The following PEBP1 variants were observed in gnomAD, a reference collection of about 807,000 sequenced individuals.
The protein encoded by PEBP1 is phosphatidylethanolamine-binding protein 1.
A neutral mutation model predicts 22.7 loss-of-function variants in PEBP1; 17 were observed. The observed-to-expected ratio is 0.75, with a 90% CI of 0.51 to 1.12. The LOEUF (loss-of-function observed/expected upper bound fraction) is 1.12, where lower values mean the gene tolerates loss of function less well. Among genes scored for constraint, PEBP1 ranks in the 50% most tolerant of loss-of-function variants. The pLI, the probability that PEBP1 is intolerant of heterozygous loss-of-function variation, is 0.00. For missense variants in PEBP1, 205 were observed against 243.5 expected, an observed-to-expected ratio of 0.84 and a Z score of 1.05; for synonymous variants, 106 against 104.3, an observed-to-expected ratio of 1.02 and a Z score of -0.10.
rs1403116335 is a variant in PEBP1, at chr12:118,136,333, A to G, written c.124A>G (p.Thr42Ala). 6.5e-7 allele frequency: 1 copy of G among 1,542,230 alleles called. No homozygotes were observed. Among genetic ancestry groups the G allele is most frequent in the East Asian group, 2.5e-5 (1 of 40,748 alleles). The change falls in exon 1 of 4, where the codon ACG (threonine) becomes GCG (alanine). Residue 42 changes from threonine (T) to alanine (A), a missense_variant. Thr to Ala is a moderately conservative substitution (Grantham distance 58). Coordinates refer to ENST00000261313, the MANE Select transcript of PEBP1 (RefSeq NM_002567.4). This position sits in a 1 kb window ranked among gnomAD's most constrained non-coding sequence, Gnocchi z 5.6. ...GGTGGACGAGCTGGGCAAAGTGCTGACGCCCACCCAGGTACACCGGGCGGC... is the reference window on the plus strand; with the variant it reads ...GGTGGACGAGCTGGGCAAAGTGCTGGCGCCCACCCAGGTACACCGGGCGGC... ...AAVDELGKVL[T>A]PTQVKNRPTS...
rs746114808 is a variant in PEBP1, at chr12:118,138,092, C to G, written c.189C>G (p.Leu63=). The change falls in exon 2 of 4, where the codon CTC becomes CTG. Residue 63 remains leucine, a synonymous_variant. Transcript: ENST00000261313. ...ISWDGLDSGK[L]YTLVLTDPDA... Reference sequence around the variant, plus strand: ...GGGATGGTCTTGATTCAGGGAAGCTCTACACCTTGGTCCTGACAGACCCGG... The same window carrying G: ...GGGATGGTCTTGATTCAGGGAAGCTGTACACCTTGGTCCTGACAGACCCGG... 16 of 1,614,026 alleles carry G rather than the reference C, an allele frequency of 9.9e-6. No homozygotes were observed. In the South Asian group the frequency reaches 1.4e-4, roughly 14 times the overall value.
Position 118,136,244 on chromosome 12 carries a change from T to C in PEBP1, c.35T>C (p.Leu12Ser), listed in dbSNP as rs1293397653. The part of the protein sequence containing the change: ...PVDLSKWSGP[L>S]SLQEVDEQPQ... Reference sequence around the variant, plus strand: ...GACCTCAGCAAGTGGTCCGGGCCCTTGAGCCTGCAAGAAGTGGACGAGCAG... The same window carrying C: ...GACCTCAGCAAGTGGTCCGGGCCCTCGAGCCTGCAAGAAGTGGACGAGCAG... Residue 12 changes from leucine to serine, a missense_variant, in exon 1 of 4, where the codon TTG becomes TCG. By Grantham distance (145) the Leu-to-Ser change is moderately radical. Transcript: ENST00000261313. This position sits in a 1 kb window ranked among gnomAD's most constrained non-coding sequence, Gnocchi z 5.6. The C allele has an allele frequency of 6.5e-7, 1 of 1,545,948 alleles. No homozygotes were observed. The highest frequency in any genetic ancestry group is 1.2e-5 in the South Asian group (1 of 83,950).
chr12:118,136,877 A>G lies in PEBP1; in HGVS notation c.135+533A>G, dbSNP rs1463742614. Among the ~76,000 whole-genome samples, 1 of 152,168 alleles carries G rather than the reference A, an allele frequency of 6.6e-6. No individual in the cohort carries two copies. The highest frequency in any genetic ancestry group is 2.1e-4 in the South Asian group (1 of 4,828). ...CGTCCAGCCGGTACGCTGGAGGGCA[A>G]CGGTTTAGTTTTGGTCTTTGACCTC... On this transcript the variant is annotated intron_variant, in intron 1 of 3. Coordinates refer to ENST00000261313, the MANE Select transcript of PEBP1 (RefSeq NM_002567.4). The surrounding 1 kb of genome is among the most constrained non-coding windows in gnomAD (Gnocchi z 5.6).
Position 118,138,088 on chromosome 12 carries a change from A to G in PEBP1, c.185A>G (p.Lys62Arg), listed in dbSNP as rs779234877. Reference protein sequence around the residue: ...SISWDGLDSGKLYTLVLTDPD... With the variant: ...SISWDGLDSGRLYTLVLTDPD... The stretch of plus-strand genomic sequence containing the variant: ...TCGTGGGATGGTCTTGATTCAGGGA[A>G]GCTCTACACCTTGGTCCTGACAGAC... The change falls in exon 2 of 4, where the codon AAG becomes AGG. Residue 62 changes from lysine (K) to arginine (R), a missense_variant. Transcript: ENST00000261313. 1.9e-6 allele frequency: 3 copies of G among 1,613,960 alleles called. No homozygotes were observed. The highest frequency in any genetic ancestry group is 1.3e-5 in the African/African-American group (1 of 75,038).
chr12:118,137,666 CAAAG>C (rs1271714117), intron 1 of PEBP1, among the ~76,000 whole-genome samples: 1 of 152,086 alleles, frequency 6.6e-6, no homozygotes, highest in African/African-American at 2.4e-5. Context: ...AGTCTGAGAT[CAAAG>C]AAAGAGTATT....
chr12:118,144,299 A>G (rs2034137822), intron 3 of PEBP1, among the ~76,000 whole-genome samples: 1 of 152,150 alleles, frequency 6.6e-6, no homozygotes, highest in South Asian at 2.1e-4. Context: ...GCCAGATCCC[A>G]CAGGCCAGGA....
Position 118,136,336 on chromosome 12 carries a change from C to G in PEBP1, c.127C>G (p.Pro43Ala). ...AVDELGKVLT[P>A]TQVKNRPTSI... is the part of the protein sequence containing the mutation. ...GGACGAGCTGGGCAAAGTGCTGACG[C>G]CCACCCAGGTACACCGGGCGGCGGG... The change falls in exon 1 of 4, where the codon CCC becomes GCC. Residue 43 changes from proline (P) to alanine (A), a missense_variant. Pro to Ala is a conservative substitution (Grantham distance 27). Transcript: ENST00000261313. The surrounding 1 kb of genome is among the most constrained non-coding windows in gnomAD (Gnocchi z 5.6). 2 of 1,542,132 alleles carry G rather than the reference C, an allele frequency of 1.3e-6. No individual in the cohort carries two copies. The highest frequency in any genetic ancestry group is 2.3e-4 in the Middle Eastern group (1 of 4,410).
chr12:118,137,466 G>A (rs1362497663), intron 1 of PEBP1, among the ~76,000 whole-genome samples: 1 of 152,078 alleles, frequency 6.6e-6, no homozygotes, highest in African/African-American at 2.4e-5. Context: ...TGGGAGGATC[G>A]ATCGATTGAG....
chr12:118,138,064 C>G lies in PEBP1; in HGVS notation c.161C>G (p.Ser54Trp), dbSNP rs373019765. The change falls in exon 2 of 4, where the codon TCG becomes TGG. Residue 54 changes from serine (S) to tryptophan (W), a missense_variant. By Grantham distance (177) the Ser-to-Trp change is radical. Coordinates refer to ENST00000261313, the MANE Select transcript of PEBP1 (RefSeq NM_002567.4). The part of the protein sequence containing the change: ...TQVKNRPTSI[S>W]WDGLDSGKLY... ...GTTAAGAATAGACCCACCAGCATTTCGTGGGATGGTCTTGATTCAGGGAAG... is the reference window on the plus strand; with the variant it reads ...GTTAAGAATAGACCCACCAGCATTTGGTGGGATGGTCTTGATTCAGGGAAG... The G allele has an allele frequency of 1.2e-6, 2 of 1,613,310 alleles. No homozygotes were observed. The highest frequency in any genetic ancestry group is 4.5e-5 in the East Asian group (2 of 44,860).
rs1158043448 is a variant in PEBP1, at chr12:118,145,029, G to C, written c.*226G>C. 1 of 1,480,692 alleles carries C rather than the reference G, an allele frequency of 6.8e-7. No individual in the cohort carries two copies. Among genetic ancestry groups the C allele is most frequent in the Non-Finnish European group, 9.0e-7 (1 of 1,112,440 alleles). 91.7% of individuals were successfully genotyped at this position (1,480,692 alleles called of 1,614,324 possible). A position where few individuals can be genotyped will look rare whatever the true frequency, so the allele number is the denominator to read the frequency against. ...TCAAATTTGAACTTCATTTTGGGGGGTATTTTGGTACTGTGATGGGGTCAT... is the reference window on the plus strand; with the variant it reads ...TCAAATTTGAACTTCATTTTGGGGGCTATTTTGGTACTGTGATGGGGTCAT... On this transcript the variant is annotated 3_prime_UTR_variant, in exon 4 of 4. Coordinates refer to ENST00000261313, the MANE Select transcript of PEBP1 (RefSeq NM_002567.4).
At chr12:118,137,812 C>T (rs1043235259) in intron 1 of PEBP1, among the ~76,000 whole-genome samples, 12 of 152,038 alleles carry the variant, frequency 7.9e-5, no homozygotes, top group African/African-American at 2.7e-4. Flanking sequence ...CTCAGCCTCC[C>T]GAGTAGCTGG....
At chr12:118,139,902 G>A (rs376531791) in intron 3 of PEBP1, among the ~76,000 whole-genome samples, 6 of 152,132 alleles carry the variant, frequency 3.9e-5, no homozygotes, top group African/African-American at 7.2e-5. Flanking sequence ...GCCTTTGCCC[G>A]GGGTGATCTT....
intron 2 of PEBP1, chr12:118,139,108 T>G: frequency 1.5e-5 from 4 of 275,460 alleles, no homozygotes; most frequent in East Asian, 2.6e-4. Context: ...AGGTCAGGAG[T>G]TCAAGACCAG....
chr12:118,140,638 A>G (rs555813004), intron 3 of PEBP1, among the ~76,000 whole-genome samples: 2 of 151,504 alleles, frequency 1.3e-5, no homozygotes, highest in East Asian at 3.9e-4. Flanking sequence ...TCCCCGGTTC[A>G]TGCCATTCTC....
In PEBP1 at chr12:118,138,166, C is replaced by A; in HGVS notation, c.245+18C>A. 1 of 1,512,420 alleles carries A rather than the reference C, an allele frequency of 6.6e-7. No homozygotes were observed. The highest frequency in any genetic ancestry group is 9.2e-7 in the Non-Finnish European group (1 of 1,089,100). 93.7% of individuals were successfully genotyped at this position (1,512,420 alleles called of 1,614,324 possible). ...AAATACAGGTGAGAGGTGAGAAAGACGAGAAGAGCAGGTCATGCAGAGATG... is the reference window on the plus strand; with the variant it reads ...AAATACAGGTGAGAGGTGAGAAAGAAGAGAAGAGCAGGTCATGCAGAGATG... On this transcript the variant is annotated intron_variant, in intron 2 of 3. Transcript: ENST00000261313.
chr12:118,145,252 G>A lies in PEBP1; in HGVS notation c.*449G>A. On this transcript the variant is annotated 3_prime_UTR_variant, in exon 4 of 4. Coordinates refer to ENST00000261313, the MANE Select transcript of PEBP1 (RefSeq NM_002567.4). ...ATGGTACACAATGTGATTTTATGGT[G>A]ATGTCACTCACCTAGACAACCAGAG... The A allele has an allele frequency of 2.9e-6, 1 of 339,396 alleles. No individual in the cohort carries two copies. Among genetic ancestry groups the A allele is most frequent in the South Asian group, 2.4e-5 (1 of 41,756 alleles). The allele number at this position is 339,396 out of a possible 1,614,324, so 21.0% of individuals were successfully genotyped here. A position where few individuals can be genotyped will look rare whatever the true frequency, so the allele number is the denominator to read the frequency against.
chr12:118,142,044 C>T (rs1289995609), intron 3 of PEBP1, among the ~76,000 whole-genome samples: 7 of 151,946 alleles, frequency 4.6e-5, no homozygotes, highest in Admixed American at 4.6e-4. Flanking sequence ...CATGCTACAC[C>T]AGGATGAACC....
Position 118,136,830 on chromosome 12 carries a change from C to T in PEBP1, c.135+486C>T, listed in dbSNP as rs887938353. On this transcript the variant is annotated intron_variant, in intron 1 of 3. Coordinates refer to ENST00000261313, the MANE Select transcript of PEBP1 (RefSeq NM_002567.4). The surrounding 1 kb of genome is among the most constrained non-coding windows in gnomAD (Gnocchi z 5.6). ...GCGATGAGCGCGCCGGCCGATTTCT[C>T]CTTTGTTAAATGGGTCGAGAGCGTC... is the stretch of plus-strand genomic sequence containing the variant. 5.3e-5 allele frequency among the ~76,000 whole-genome samples: 8 copies of T among 152,160 alleles called. No homozygotes were observed. Among genetic ancestry groups the T allele is most frequent in the Non-Finnish European group, 8.8e-5 (6 of 68,034 alleles).
chr12:118,138,922 T>G (rs2034090057), intron 2 of PEBP1: 1 of 148,754 alleles, frequency 6.7e-6, no homozygotes, highest in African/African-American at 2.6e-5. Flanking sequence ...GGCCTTTTAG[T>G]GGAAAGTTTG....
Sources: allele counts gnomAD v4.1 joint callset (sites outside exome capture counted in the v4.1 genomes callset), GRCh38; gene constraint gnomAD v4.1.1; non-coding constraint Gnocchi (gnomAD v3.1); transcripts MANE v1.5; gene names NCBI Gene and HGNC (gene_info 2026-07-23, HGNC 2026-07-21).